The following PNPLA7 variants were observed in gnomAD, a reference collection of about 807,000 sequenced individuals.
The protein encoded by PNPLA7 is patatin like domain 7, lysophospholipase.
PNPLA7 carries 153 observed loss-of-function variants against 161.7 expected under a neutral mutation model. The ratio of observed to expected loss-of-function variants is 0.95; its 90% confidence interval spans 0.83 to 1.08. PNPLA7 has a LOEUF of 1.08. Ranked by LOEUF, PNPLA7 falls within the 50% of genes least tolerant of loss-of-function variation. The pLI, the probability that PNPLA7 is intolerant of heterozygous loss-of-function variation, is 0.00. For synonymous variants in PNPLA7, 809 were observed against 782.1 expected, an observed-to-expected ratio of 1.03 and a Z score of -0.57; for missense variants, 1,739 against 1,856.6, an observed-to-expected ratio of 0.94 and a Z score of 1.16.
Position 137,479,046 on chromosome 9 carries a change from C to G in PNPLA7, c.2763+10G>C. On this transcript the variant is annotated intron_variant, in intron 24 of 34. Coordinates refer to ENST00000406427, the MANE Select transcript of PNPLA7 (RefSeq NM_001098537.3). ...AGCCACGGGCAGGCAGCCTCCTCTC[C>G]CCGCCTCACCAGCTTGGGCAGGCTC... 1 of 1,562,336 alleles carries G rather than the reference C, an allele frequency of 6.4e-7. No individual in the cohort carries two copies. Among genetic ancestry groups the G allele is most frequent in the South Asian group, 1.2e-5 (1 of 85,722 alleles).
intron 8 of PNPLA7, among the ~76,000 whole-genome samples, chr9:137,539,010 G>A (rs1213545605): frequency 6.6e-6 from 1 of 151,994 alleles, no homozygotes; most frequent in Non-Finnish European, 1.5e-5. Context: ...CAAGATCGTG[G>A]CACTGCACTC....
At chr9:137,494,978 C>T in intron 19 of PNPLA7, 55 bp downstream of exon 19, 6 of 1,481,864 alleles carry the variant, frequency 4.0e-6, no homozygotes. Flanking sequence ...TGTTCCATGC[C>T]CTCATCCACT....
chr9:137,502,691 A>ATGTGGGAGATGAGGGGGACG (rs1833518595), intron 14 of PNPLA7, among the ~76,000 whole-genome samples: 1 of 55,916 alleles, frequency 1.8e-5, no homozygotes, highest in African/African-American at 8.1e-5. Flanking sequence ...GATGAGGGGG[A>ATGTGGGAGATGAGGGGGACG]CGGGGGGGAC....
In PNPLA7 at chr9:137,484,656, T is replaced by C. The variant is rs761051753; in HGVS notation, c.2278A>G (p.Met760Val). Residue 760 changes from methionine to valine, a missense_variant, in exon 21 of 35, where the codon ATG (methionine) becomes GTG (valine). Around this residue, in one of 6 missense-constraint regions of PNPLA7, gnomAD observed 192 missense variants for 249.5 expected, o/e 0.77. Coordinates refer to ENST00000406427, the MANE Select transcript of PNPLA7 (RefSeq NM_001098537.3). Reference sequence around the variant, plus strand: ...AGGGGCACTTCCTCTGACACGGGCATCACTGCCACCGTGGACAGGTTGACA... The same window carrying C: ...AGGGGCACTTCCTCTGACACGGGCACCACTGCCACCGTGGACAGGTTGACA... The part of the protein sequence containing the change: ...PAVNLSTVAV[M>V]PVSEEVPLTA... 1.2e-6 allele frequency: 2 copies of C among 1,612,656 alleles called. No homozygotes were observed. The highest frequency in any genetic ancestry group is 1.7e-5 in the Admixed American group (1 of 59,928).
In PNPLA7 at chr9:137,543,870, C is replaced by G. The variant is rs1836348004; in HGVS notation, c.274-55G>C. ...GACCCTGCAAGCCGCAAGGTCCAAG[C>G]TCTTTGCCATGGGGATCAGTCCTCA... is the stretch of plus-strand genomic sequence containing the variant. On this transcript the variant is annotated intron_variant, in intron 4 of 34. Transcript: ENST00000406427. The surrounding 1 kb of genome is among the most constrained non-coding windows in gnomAD (Gnocchi z 6.9). The G allele has an allele frequency of 6.8e-7, 1 of 1,478,714 alleles. No individual in the cohort carries two copies. The highest frequency in any genetic ancestry group is 9.5e-7 in the Non-Finnish European group (1 of 1,058,016). The allele number at this position is 1,478,714 out of a possible 1,614,324, so 91.6% of individuals were successfully genotyped here.
In PNPLA7 at chr9:137,541,816, C is replaced by G. The variant is rs893073160; in HGVS notation, c.666+826G>C. 6.6e-6 allele frequency among the ~76,000 whole-genome samples: 1 copy of G among 152,034 alleles called. No homozygotes were observed. ...TTTTTTTTTGAGACAGGGTCTCGCT[C>G]TGTCGCCCAGGCTGGAGTGCAGTGG... On this transcript the variant is annotated intron_variant, in intron 7 of 34. Coordinates refer to ENST00000406427, the MANE Select transcript of PNPLA7 (RefSeq NM_001098537.3). This position sits in a 1 kb window ranked among gnomAD's most constrained non-coding sequence, Gnocchi z 4.4.
chr9:137,504,782 G>A (rs377244361), intron 14 of PNPLA7, among the ~76,000 whole-genome samples: 2 of 152,194 alleles, frequency 1.3e-5, no homozygotes, highest in East Asian at 3.8e-4. Context: ...ATAACTGGGG[G>A]AGGGACTAGG....
chr9:137,471,532 A>C (rs974877822), intron 25 of PNPLA7, among the ~76,000 whole-genome samples: 11 of 151,478 alleles, frequency 7.3e-5, no homozygotes, highest in African/African-American at 2.2e-4. Context: ...CGGGAGGTGG[A>C]AATTGCAGTG....
At chr9:137,465,601 T>A (rs1422663699) in intron 26 of PNPLA7, among the ~76,000 whole-genome samples, 3 of 152,122 alleles carry the variant, frequency 2.0e-5, no homozygotes, top group African/African-American at 7.2e-5. Flanking sequence ...GGTGACTAGG[T>A]GACTCATTTT....
rs1226744437 is a variant in PNPLA7, at chr9:137,542,685, C to T, written c.623G>A (p.Cys208Tyr). The T allele has an allele frequency of 6.2e-7, 1 of 1,613,146 alleles. No homozygotes were observed. Among genetic ancestry groups the T allele is most frequent in the Non-Finnish European group, 8.5e-7 (1 of 1,180,034 alleles). ...CTCCAGCCGCCCGTCCTGCACCACA[C>T]AGATGCTGGGGTCCGGCTCCCTGGG... Reference protein sequence around the residue: ...FQPREPDPSICVVQDGRLEVC... With the variant: ...FQPREPDPSIYVVQDGRLEVC... Residue 208 changes from cysteine to tyrosine, a missense_variant, in exon 7 of 35, where the codon TGT becomes TAT. By Grantham distance (194) the Cys-to-Tyr change is radical (BLOSUM62 -2). Transcript: ENST00000406427.
intron 6 of PNPLA7, 116 bp from the exon 7 acceptor site, chr9:137,542,917 G>T: frequency 9.0e-7 from 1 of 1,108,008 alleles, no homozygotes; most frequent in Non-Finnish European, 1.3e-6. Flanking sequence ...TGTGCTGTGG[G>T]TCCACACGGC....
At chr9:137,542,943 A>G (rs1003547808) in intron 6 of PNPLA7, 142 bp from the exon 7 acceptor site, 1 of 771,018 alleles carries the variant, frequency 1.3e-6, no homozygotes, top group Non-Finnish European at 2.1e-6. Flanking sequence ...AACAAACCAC[A>G]CAGCATTACT....
In PNPLA7 at chr9:137,517,855, C is replaced by T. The variant is rs1256812082; in HGVS notation, c.1084+2062G>A. On this transcript the variant is annotated intron_variant, in intron 11 of 34. Transcript: ENST00000406427. ...CTGTCCACTCCATCCCACACTCACT[C>T]ACTCCACTCTATCCACTCCATCCCA... 7.1e-4 allele frequency among the ~76,000 whole-genome samples: 34 copies of T among 47,728 alleles called. 2 individuals are homozygous for T. Among genetic ancestry groups the T allele is most frequent in the African/African-American group, 4.3e-3 (28 of 6,504 alleles). The allele number at this position is 47,728 out of a possible 152,430, so 31.3% of individuals were successfully genotyped here.
intron 21 of PNPLA7, 74 bp from the exon 22 acceptor site, chr9:137,481,097 A>T (rs1428285339): frequency 6.7e-7 from 1 of 1,493,352 alleles, no homozygotes; most frequent in Non-Finnish European, 9.1e-7. Flanking sequence ...ACCGACACCC[A>T]GCAAGGTACC....
intron 29 of PNPLA7, 44 bp from the exon 30 acceptor site, chr9:137,462,877 G>C (rs767411094): frequency 6.2e-7 from 1 of 1,606,388 alleles, no homozygotes; most frequent in Non-Finnish European, 8.5e-7. Context: ...CAGGCATGCA[G>C]AGCCAGGGGA....
chr9:137,502,736 A>G (rs1303882834), intron 14 of PNPLA7, among the ~76,000 whole-genome samples: 1 of 88,492 alleles, frequency 1.1e-5, no homozygotes, highest in Non-Finnish European at 2.3e-5. Context: ...GACGGGGGGG[A>G]CGAGAGGGAT....
intron 23 of PNPLA7, chr9:137,479,909 GA>G (rs1467119159): frequency 5.8e-5 from 57 of 984,940 alleles, no homozygotes; most frequent in Non-Finnish European, 6.9e-5. Flanking sequence ...TTCACAAGAG[GA>G]AAACTAAGCA....
At position 137,542,654 on chromosome 9, in the gene PNPLA7, G is replaced by A. The variant is rs1275069814; in HGVS notation, c.654C>T (p.Cys218=). The A allele has an allele frequency of 1.9e-6, 3 of 1,609,214 alleles. No homozygotes were observed. The highest frequency in any genetic ancestry group is 1.3e-5 in the African/African-American group (1 of 74,934). The change falls in exon 7 of 35, where the codon TGC becomes TGT. Residue 218 remains cysteine, a synonymous_variant. Coordinates refer to ENST00000406427, the MANE Select transcript of PNPLA7 (RefSeq NM_001098537.3). ...CCCTGCGACTCACAGTGTCCTGGAT[G>A]CAGACCTCCAGCCGCCCGTCCTGCA... The part of the protein sequence containing the change: ...CVVQDGRLEV[C]IQDTDGTEVV...
At chr9:137,461,651 T>C in intron 32 of PNPLA7, 31 bp from the exon 33 acceptor site, 1 of 1,538,410 alleles carries the variant, frequency 6.5e-7, no homozygotes, top group Non-Finnish European at 8.8e-7. Flanking sequence ...GCACGTTGCC[T>C]GTGGACACCC....
Sources: allele counts gnomAD v4.1 joint callset (sites outside exome capture counted in the v4.1 genomes callset), GRCh38; gene constraint gnomAD v4.1.1; regional missense constraint gnomAD v4.1.1; non-coding constraint Gnocchi (gnomAD v3.1); transcripts MANE v1.5; gene names NCBI Gene and HGNC (gene_info 2026-07-23, HGNC 2026-07-21).